Variants in FCRL6 observed in about 807,000 individuals in gnomAD.
FCRL6 encodes the protein Fc receptor-like protein 6.
FCRL6 carries 50 observed loss-of-function variants against 49.1 expected under a neutral mutation model. That is an observed-to-expected ratio of 1.02 (90% CI 0.81 to 1.29). FCRL6 has a LOEUF of 1.29. Ranked by LOEUF, FCRL6 falls within the 50% of genes most tolerant of loss-of-function variation. The pLI is 0.00. For missense variants in FCRL6, 571 were observed against 518.5 expected (o/e 1.10, Z -0.98); for synonymous variants, 213 against 199.6 (o/e 1.07, Z -0.57).
rs367659293 is a variant in FCRL6, at chr1:159,815,692, C to T, written c.*31C>T. 1.9e-6 allele frequency: 3 copies of T among 1,602,330 alleles called. No individual in the cohort carries two copies. The highest frequency in any genetic ancestry group is 2.6e-6 in the Non-Finnish European group (3 of 1,171,690). ...GTGTTCTCCTATCAACACACGCCCA[C>T]CCCCAGTCTCCAGTGCTCCTCAGGA... On this transcript the variant is annotated 3_prime_UTR_variant, in exon 10 of 10. Coordinates refer to ENST00000368106, the MANE Select transcript of FCRL6 (RefSeq NM_001004310.3).
intron 2 of FCRL6, 120 bp from the exon 3 acceptor site, chr1:159,808,058 A>C: frequency 9.2e-7 from 1 of 1,090,930 alleles, no homozygotes. Context: ...CAGTGACACC[A>C]TACCAGTGCC....
chr1:159,814,313 C>T (rs532372493), intron 8 of FCRL6, 21 bp downstream of exon 8: 3 of 1,606,840 alleles, frequency 1.9e-6, no homozygotes, highest in East Asian at 2.2e-5. Context: ...TCAGGCCAAA[C>T]TTGGTACCTT....
chr1:159,812,407 T>A (rs146243173), intron 6 of FCRL6, among the ~76,000 whole-genome samples: 1 of 152,304 alleles, frequency 6.6e-6, no homozygotes, highest in Non-Finnish European at 1.5e-5. Flanking sequence ...CAAAGTCAAT[T>A]TTTAGAACAT....
chr1:159,811,761 G>T (rs1663098038), intron 6 of FCRL6, among the ~76,000 whole-genome samples: 1 of 152,306 alleles, frequency 6.6e-6, no homozygotes, highest in African/African-American at 2.4e-5. Context: ...AGGAGAGGAT[G>T]CCCAGAGCTA....
chr1:159,807,405 T>C (rs1176537030), intron 2 of FCRL6, among the ~76,000 whole-genome samples: 1 of 152,148 alleles, frequency 6.6e-6, no homozygotes, highest in Non-Finnish European at 1.5e-5. Flanking sequence ...TGGGGACAGA[T>C]ACAGGCTGGG....
At chr1:159,811,914 T>C (rs1248467452) in intron 6 of FCRL6, among the ~76,000 whole-genome samples, 20 of 152,132 alleles carry the variant, frequency 1.3e-4, no homozygotes, top group Admixed American at 1.3e-3. Flanking sequence ...CACCTCTGAG[T>C]CAAAGCATTA....
chr1:159,809,271 C>G, intron 4 of FCRL6, 26 bp downstream of exon 4: 1 of 1,528,222 alleles, frequency 6.5e-7, no homozygotes, highest in Non-Finnish European at 8.8e-7. Flanking sequence ...AGTGGAGATG[C>G]CCCCAGGGCC....
intron 5 of FCRL6, among the ~76,000 whole-genome samples, 160 bp from the exon 6 acceptor site, chr1:159,809,934 C>T (rs1662992317): frequency 6.6e-6 from 1 of 152,224 alleles, no homozygotes; most frequent in Non-Finnish European, 1.5e-5. Flanking sequence ...ATCATCCTTG[C>T]TGCCATCCCC....
chr1:159,803,285 T>C (rs752804440), intron 1 of FCRL6, among the ~76,000 whole-genome samples: 30 of 152,368 alleles, frequency 2.0e-4, no homozygotes, highest in Middle Eastern at 6.8e-3. Flanking sequence ...AGAAATAATT[T>C]GGCATATATT....
chr1:159,808,331 C>A lies in FCRL6; in HGVS notation c.206C>A (p.Ser69Tyr), dbSNP rs750374907. Reference protein sequence around the residue: ...LHFSKENQTLSMGAATVQSRG... With the variant: ...LHFSKENQTLYMGAATVQSRG... Reference sequence around the variant, plus strand: ...TTCTCTAAGGAAAACCAGACTCTGTCCATGGGAGCAGCAACAGTGCAGAGC... The same window carrying A: ...TTCTCTAAGGAAAACCAGACTCTGTACATGGGAGCAGCAACAGTGCAGAGC... The change falls in exon 3 of 10, where the codon TCC becomes TAC. Residue 69 changes from serine to tyrosine, a missense_variant. Coordinates refer to ENST00000368106, the MANE Select transcript of FCRL6 (RefSeq NM_001004310.3). 6 of 1,614,222 alleles carry A rather than the reference C, an allele frequency of 3.7e-6. No individual in the cohort carries two copies. Among genetic ancestry groups the A allele is most frequent in the Non-Finnish European group, 5.1e-6 (6 of 1,180,034 alleles).
Position 159,810,002 on chromosome 1 carries a change from A to G in FCRL6, c.887-92A>G. ...CCCCAGGCCAGACGGTTCCCCTAAT[A>G]TCAGTCATTCTGCCTGTTCTGTGCC... On this transcript the variant is annotated intron_variant, in intron 5 of 9. Transcript: ENST00000368106. 4 of 1,464,676 alleles carry G rather than the reference A, an allele frequency of 2.7e-6. No homozygotes were observed. In the East Asian group the frequency reaches 6.9e-5, roughly 25 times the overall value. The allele number at this position is 1,464,676 out of a possible 1,614,324, so 90.7% of individuals were successfully genotyped here.
intron 1 of FCRL6, among the ~76,000 whole-genome samples, chr1:159,803,140 C>G (rs1662448089): frequency 6.6e-6 from 1 of 152,160 alleles, no homozygotes; most frequent in African/African-American, 2.4e-5. Flanking sequence ...TCTCTCTCTT[C>G]TCTCCATTTC....
chr1:159,806,486 C>T (rs1662691397), intron 1 of FCRL6, 110 bp from the exon 2 acceptor site: 34 of 932,692 alleles, frequency 3.6e-5, no homozygotes, highest in Middle Eastern at 2.1e-4. Flanking sequence ...GTTTGGTGGC[C>T]GGGTGGTTGG....
chr1:159,808,478 A>G, intron 3 of FCRL6, 34 bp downstream of exon 3: 1 of 1,613,550 alleles, frequency 6.2e-7, no homozygotes, highest in Non-Finnish European at 8.5e-7. Flanking sequence ...GTGGGGCAGG[A>G]GGTGCTGCTC....
At chr1:159,802,540 T>A in intron 1 of FCRL6, 85 bp downstream of exon 1, 1 of 1,254,410 alleles carries the variant, frequency 8.0e-7, no homozygotes, top group Non-Finnish European at 1.1e-6. Flanking sequence ...CATCTTACCT[T>A]TCCCAATTCC....
At chr1:159,812,103 A>G (rs1018149076) in intron 6 of FCRL6, among the ~76,000 whole-genome samples, 21 of 152,228 alleles carry the variant, frequency 1.4e-4, no homozygotes, top group African/African-American at 5.1e-4. Context: ...CCCACTGCCA[A>G]CCTTGGAGCA....
At position 159,809,506 on chromosome 1, in the gene FCRL6, A is replaced by G; in HGVS notation, c.709A>G (p.Ile237Val). 1 of 1,614,074 alleles carries G rather than the reference A, an allele frequency of 6.2e-7. No individual in the cohort carries two copies. Among genetic ancestry groups the G allele is most frequent in the Non-Finnish European group, 8.5e-7 (1 of 1,180,008 alleles). ...LCEAQRGSPP[I>V]LYSFYLDEKI... ...TGAGGCACAGAGGGGCTCCCCTCCG[A>G]TCCTGTATTCCTTCTACCTTGATGA... Residue 237 changes from isoleucine to valine, a missense_variant, in exon 5 of 10, where the codon ATC (isoleucine) becomes GTC (valine). Ile to Val is a conservative substitution (Grantham distance 29). Coordinates refer to ENST00000368106, the MANE Select transcript of FCRL6 (RefSeq NM_001004310.3).
chr1:159,810,784 G>T (rs1432523103), intron 6 of FCRL6, among the ~76,000 whole-genome samples: 3 of 152,210 alleles, frequency 2.0e-5, no homozygotes, highest in Non-Finnish European at 4.4e-5. Flanking sequence ...GCAATGGCCT[G>T]TTCCCAACAC....
chr1:159,810,336 G>C (rs958500112), intron 6 of FCRL6, 120 bp downstream of exon 6: 8 of 1,249,260 alleles, frequency 6.4e-6, no homozygotes, highest in South Asian at 4.6e-5. Context: ...TGGAGTGGCA[G>C]GGGGGACTTC....
Sources: gnomAD v4.1 joint callset for allele counts (sites outside exome capture counted in the v4.1 genomes callset) on GRCh38, gnomAD v4.1.1 for gene constraint, MANE v1.5 for transcripts, NCBI Gene and HGNC (gene_info 2026-07-23, HGNC 2026-07-21) for gene names.